NBEA: variants seen among roughly 807,000 people sequenced by gnomAD.
NBEA encodes neurobeachin, also known as lysosomal-trafficking regulator 2.
NBEA carries 44 observed loss-of-function variants against 343.4 expected under a neutral mutation model. That is an observed-to-expected ratio of 0.13 (90% CI 0.10 to 0.16). The LOEUF (loss-of-function observed/expected upper bound fraction) is 0.16, where lower values mean the gene tolerates loss of function less well. Among genes scored for constraint, NBEA ranks in the 10% least tolerant of loss-of-function variants. NBEA has a pLI of 1.00. For synonymous variants in NBEA, 1,175 were observed against 1,238.7 expected (o/e 0.95, Z 1.08); for missense variants, 2,555 against 3,631.3 (o/e 0.70, Z 7.62).
chr13:35,298,776 T>C (rs1404332598), intron 35 of NBEA, among the ~76,000 whole-genome samples: 1 of 152,016 alleles, frequency 6.6e-6, no homozygotes, highest in Non-Finnish European at 1.5e-5. Flanking sequence ...ACCAACTAAA[T>C]ATATTTCAGT....
intron 36 of NBEA, among the ~76,000 whole-genome samples, chr13:35,347,883 G>A (rs1280798824): frequency 6.6e-6 from 1 of 152,016 alleles, no homozygotes; most frequent in African/African-American, 2.4e-5. Flanking sequence ...CTGAGAGCCC[G>A]AGCAATTCTG....
intron 46 of NBEA, chr13:35,592,867 C>CTAAG (rs3075547): frequency 0.96 from 146,558 of 152,400 alleles, 70,713 homozygotes; most frequent in Non-Finnish European, 1. Flanking sequence ...CACAGGTAAT[C>CTAAG]ATGGACATTC....
Position 35,065,986 on chromosome 13 carries a change from G to T in NBEA, c.1240-3922G>T, listed in dbSNP as rs191081001. On this transcript the variant is annotated intron_variant, in intron 8 of 58. Coordinates refer to ENST00000379939, the MANE Select transcript of NBEA (RefSeq NM_001385012.1). ...TGTACATTTTTTTTTTGGAAACAGG[G>T]TCTCTCCTTCTGTCACCTAAGCTGG... Among the ~76,000 whole-genome samples, 7 of 152,044 alleles carry T rather than the reference G, an allele frequency of 4.6e-5. No individual in the cohort carries two copies. The East Asian group carries it at 1.4e-3, about 29-fold the overall frequency.
At chr13:35,650,958 G>A (rs1417488669) in intron 52 of NBEA, among the ~76,000 whole-genome samples, 1 of 152,130 alleles carries the variant, frequency 6.6e-6, no homozygotes, top group Non-Finnish European at 1.5e-5. Context: ...GAGTTTCTAA[G>A]TGCACCTATT....
At chr13:35,141,992 AAAT>A (rs2068117279) in intron 17 of NBEA, among the ~76,000 whole-genome samples, 2 of 151,226 alleles carry the variant, frequency 1.3e-5, no homozygotes, top group African/African-American at 4.9e-5. Flanking sequence ...TGAAATTTGA[AAAT>A]AATAACAATG....
intron 7 of NBEA, among the ~76,000 whole-genome samples, chr13:35,058,053 G>C (rs2152567149): frequency 6.6e-6 from 1 of 152,210 alleles, no homozygotes; most frequent in Non-Finnish European, 1.5e-5. Context: ...CCCTGGTTTG[G>C]GTGGGCGGGG....
intron 41 of NBEA, among the ~76,000 whole-genome samples, chr13:35,487,375 A>C (rs572102005): frequency 3.3e-5 from 5 of 152,140 alleles, no homozygotes; most frequent in Admixed American, 6.6e-5. Context: ...TAAAAATTAA[A>C]ACTTACAGTG....
At chr13:35,004,186 G>T (rs955420345) in intron 1 of NBEA, among the ~76,000 whole-genome samples, 6 of 152,070 alleles carry the variant, frequency 3.9e-5, no homozygotes, top group African/African-American at 1.4e-4. Flanking sequence ...TTATTGATGG[G>T]CATTTGGGTT....
chr13:35,117,479 C>G lies in NBEA; in HGVS notation c.2068C>G (p.Gln690Glu). ...GGCATTTATGCTACTTTTTCTGAAA[C>G]AGCTGATACTAAAGGTAAAATAATT... ...LRAFMLLFLKQLILKDRGVKE... is the reference protein window; with the variant it reads ...LRAFMLLFLKELILKDRGVKE... Residue 690 changes from glutamine (Q) to glutamate (E), a missense_variant, in exon 14 of 59, where the codon CAG (glutamine) becomes GAG (glutamate). Physicochemically the swap from Gln to Glu is conservative, Grantham distance 29. Coordinates refer to ENST00000379939, the MANE Select transcript of NBEA (RefSeq NM_001385012.1). The G allele has an allele frequency of 7.4e-7, 1 of 1,349,496 alleles. No homozygotes were observed. Among genetic ancestry groups the G allele is most frequent in the Non-Finnish European group, 9.7e-7 (1 of 1,030,554 alleles). The allele number at this position is 1,349,496 out of a possible 1,614,324, so 83.6% of individuals were successfully genotyped here.
intron 33 of NBEA, among the ~76,000 whole-genome samples, chr13:35,225,262 A>G (rs538723110): frequency 2.6e-5 from 4 of 152,140 alleles, no homozygotes; most frequent in African/African-American, 7.2e-5. Context: ...ATGTATTTCT[A>G]CATGATTGGG....
chr13:35,193,200 A>G (rs2072327113), intron 30 of NBEA, among the ~76,000 whole-genome samples: 1 of 151,994 alleles, frequency 6.6e-6, no homozygotes, highest in African/African-American at 2.4e-5. Flanking sequence ...ATCCATAGAT[A>G]CAAATGTATG....
At chr13:34,968,022 C>T (rs1451755970) in intron 1 of NBEA, among the ~76,000 whole-genome samples, 5 of 152,098 alleles carry the variant, frequency 3.3e-5, no homozygotes, top group Non-Finnish European at 1.5e-5. Context: ...GAGGTTCCCA[C>T]AACTTCCCTC....
rs1255737516 is a variant in NBEA, at chr13:35,601,186, A to C, written c.7297-5240A>C. Among the ~76,000 whole-genome samples the C allele has an allele frequency of 2.6e-3, 393 of 152,144 alleles. 1 individual carries two copies. Among genetic ancestry groups the C allele is most frequent in the African/African-American group, 5.7e-3 (237 of 41,506 alleles). On this transcript the variant is annotated intron_variant, in intron 47 of 58. Transcript: ENST00000379939. ...AGCAAAACTGCATCTCAACAAAAAA[A>C]AAAAAAAAGAAACACACTTTGAAAA...
chr13:35,084,299 A>G (rs1040395194), intron 10 of NBEA, among the ~76,000 whole-genome samples: 1 of 152,160 alleles, frequency 6.6e-6, no homozygotes, highest in Admixed American at 6.5e-5. Context: ...CACCACACCT[A>G]TTCCAAAATT....
intron 7 of NBEA, among the ~76,000 whole-genome samples, chr13:35,058,332 A>G (rs568222095): frequency 3.7e-4 from 57 of 152,260 alleles, no homozygotes; most frequent in African/African-American, 1.3e-3. Context: ...TAAATTTTGG[A>G]ATAGTCATTC....
chr13:35,440,300 A>G (rs1467771286), intron 39 of NBEA, among the ~76,000 whole-genome samples: 4 of 152,208 alleles, frequency 2.6e-5, no homozygotes, highest in Admixed American at 1.3e-4. Flanking sequence ...GTATTTCCAA[A>G]TCATTTCTGA....
intron 27 of NBEA, among the ~76,000 whole-genome samples, chr13:35,175,668 A>G (rs2070840607): frequency 6.6e-6 from 1 of 152,176 alleles, no homozygotes; most frequent in South Asian, 2.1e-4. Context: ...GAATGTAAAA[A>G]TACTAGGGGA....
intron 17 of NBEA, among the ~76,000 whole-genome samples, chr13:35,136,809 C>T (rs1008831033): frequency 6.6e-6 from 1 of 152,184 alleles, no homozygotes; most frequent in Non-Finnish European, 1.5e-5. Flanking sequence ...TTCATCTCCT[C>T]TTGAATGGCA....
chr13:35,323,396 T>A (rs1233789308), intron 36 of NBEA, among the ~76,000 whole-genome samples: 1 of 151,982 alleles, frequency 6.6e-6, no homozygotes, highest in African/African-American at 2.4e-5. Context: ...AAAAAAATGA[T>A]GAGTTCATGT....
Sources: gnomAD v4.1 joint callset for allele counts (sites outside exome capture counted in the v4.1 genomes callset) on GRCh38, gnomAD v4.1.1 for gene constraint, MANE v1.5 for transcripts, NCBI Gene and HGNC (gene_info 2026-07-23, HGNC 2026-07-21) for gene names.